VPS13D: variants seen among roughly 807,000 people sequenced by gnomAD.
The protein encoded by VPS13D is intermembrane lipid transfer protein VPS13D.
VPS13D carries 187 observed loss-of-function variants against 461.9 expected under a neutral mutation model. The ratio of observed to expected loss-of-function variants is 0.40; its 90% CI spans 0.36 to 0.46. VPS13D has a LOEUF of 0.46. Ranked by LOEUF, VPS13D falls within the 20% of genes least tolerant of loss-of-function variation. VPS13D has a pLI of 0.60. For synonymous variants in VPS13D, 1,951 were observed against 1,986.3 expected, an observed-to-expected ratio of 0.98 and a Z score of 0.47; for missense variants, 4,711 against 5,364.9, an observed-to-expected ratio of 0.88 and a Z score of 3.81.
At chr1:12,361,390 TA>T (rs1643944754) in intron 50 of VPS13D, among the ~76,000 whole-genome samples, 1 of 142,610 alleles carries the variant, frequency 7.0e-6, no homozygotes, top group Non-Finnish European at 1.5e-5. Context: ...TTTATTTATT[TA>T]TTTATTTATT....
At chr1:12,374,938 A>C (rs1221828072) in intron 55 of VPS13D, among the ~76,000 whole-genome samples, 13 of 152,174 alleles carry the variant, frequency 8.5e-5, no homozygotes, top group Admixed American at 7.9e-4. Context: ...GGGTTTCGCC[A>C]TGTTGGCCAG....
At chr1:12,361,153 G>A (rs1417737888) in intron 50 of VPS13D, among the ~76,000 whole-genome samples, 1 of 152,020 alleles carries the variant, frequency 6.6e-6, no homozygotes, top group African/African-American at 2.4e-5. Context: ...GTTGTTATGG[G>A]GATTCAGTGT....
At chr1:12,443,744 ATTC>A (rs1368223851) in intron 65 of VPS13D, among the ~76,000 whole-genome samples, 1 of 150,764 alleles carries the variant, frequency 6.6e-6, no homozygotes, top group Non-Finnish European at 1.5e-5. Flanking sequence ...TGCGTCTTTT[ATTC>A]TTTTCTTTGC....
chr1:12,271,243 T>A, intron 17 of VPS13D, 119 bp downstream of exon 17: 1 of 1,281,032 alleles, frequency 7.8e-7, no homozygotes, highest in Non-Finnish European at 1.1e-6. Flanking sequence ...CTGAGTAAAC[T>A]GAAAATATTA....
chr1:12,427,393 C>T (rs999673649), intron 65 of VPS13D, among the ~76,000 whole-genome samples: 90 of 151,806 alleles, frequency 5.9e-4, no homozygotes, highest in African/African-American at 2.1e-3. Flanking sequence ...TCCTAGCTCC[C>T]CTGACTCCTG....
At chr1:12,405,082 C>T (rs1017419980) in intron 63 of VPS13D, among the ~76,000 whole-genome samples, 17 of 152,198 alleles carry the variant, frequency 1.1e-4, no homozygotes, top group Non-Finnish European at 1.9e-4. Flanking sequence ...ACGTAGATGC[C>T]CGCAGGAGCT....
intron 25 of VPS13D, among the ~76,000 whole-genome samples, chr1:12,300,730 A>G (rs1642402633): frequency 6.6e-6 from 1 of 152,222 alleles, no homozygotes; most frequent in South Asian, 2.1e-4. Context: ...GGAAACACCT[A>G]GTAATTCACA....
At chr1:12,355,800 GTTATTGGTTT>G in intron 47 of VPS13D, 89 bp from the exon 48 acceptor site, 1 of 1,247,148 alleles carries the variant, frequency 8.0e-7, no homozygotes, top group Non-Finnish European at 1.1e-6. Flanking sequence ...TAGATACTTA[GTTATTGGTTT>G]TTCCAAAAGG....
At chr1:12,479,213 T>A (rs577093727) in intron 67 of VPS13D, among the ~76,000 whole-genome samples, 1 of 152,270 alleles carries the variant, frequency 6.6e-6, no homozygotes, top group Non-Finnish European at 1.5e-5. Flanking sequence ...TTAGCATAAG[T>A]ATAGTCAGAA....
At chr1:12,322,465 C>T (rs1427119832) in intron 33 of VPS13D, 71 bp from the exon 34 acceptor site, 26 of 1,446,820 alleles carry the variant, frequency 1.8e-5, no homozygotes, top group Non-Finnish European at 2.5e-5. Flanking sequence ...ATAGGAATTA[C>T]ATCTGTAAGA....
chr1:12,379,640 CCTT>C, intron 57 of VPS13D, 44 bp downstream of exon 57: 1 of 1,480,722 alleles, frequency 6.8e-7, no homozygotes, highest in Non-Finnish European at 9.4e-7. Context: ...AGTGGTTGAG[CCTT>C]CTTTGAAACA....
Position 12,492,645 on chromosome 1 carries a change from CT to C in VPS13D, c.12663-4854del, listed in dbSNP as rs561648226. 5.3e-5 allele frequency among the ~76,000 whole-genome samples: 8 copies of C among 152,296 alleles called. 1 individual carries two copies. In the South Asian group the frequency reaches 1.5e-3, roughly 28 times the overall value. Reference sequence around the variant, plus strand: ...TATCTTGTGAGCCAGCAAATTCCCCCTAGATAGATTCTCAAAGTTCACCAGG... The same window carrying C: ...TATCTTGTGAGCCAGCAAATTCCCCCAGATAGATTCTCAAAGTTCACCAGG... On this transcript the variant is annotated intron_variant, in intron 67 of 69. Coordinates refer to ENST00000620676, the MANE Select transcript of VPS13D (RefSeq NM_015378.4).
chr1:12,497,508 C>T lies in VPS13D; in HGVS notation c.12671C>T (p.Ala4224Val). 3.7e-6 allele frequency: 6 copies of T among 1,613,874 alleles called. No individual in the cohort carries two copies. The highest frequency in any genetic ancestry group is 5.1e-6 in the Non-Finnish European group (6 of 1,179,872). ...TATLSGPRTQ[A>V]QRVRKPRCCT... is the part of the protein sequence containing the mutation. ...TCCATTTACCCATCTAGGACTCAAG[C>T]ACAGAGGGTTCGGAAACCGCGTTGC... Residue 4224 changes from alanine (A) to valine (V), a missense_variant, in exon 68 of 70, where the codon GCA becomes GTA. Physicochemically the swap from Ala to Val is moderately conservative, Grantham distance 64. Coordinates refer to ENST00000620676, the MANE Select transcript of VPS13D (RefSeq NM_015378.4).
chr1:12,450,547 C>G (rs1480083884), intron 65 of VPS13D, among the ~76,000 whole-genome samples: 1 of 152,102 alleles, frequency 6.6e-6, no homozygotes, highest in Non-Finnish European at 1.5e-5. Context: ...TTTGATCTTC[C>G]TGGGCTGGTG....
In VPS13D at chr1:12,502,939, A is replaced by G. The variant is rs994147475; in HGVS notation, c.12795-3914A>G. ...CACAGTGGCCCTGCAGAGTAGACCC[A>G]TGGGGTTCTACACATCAGGATGGGG... On this transcript the variant is annotated intron_variant, in intron 68 of 69. Coordinates refer to ENST00000620676, the MANE Select transcript of VPS13D (RefSeq NM_015378.4). The surrounding 1 kb of genome is among the most constrained non-coding windows in gnomAD (Gnocchi z 4.3). 6.6e-6 allele frequency among the ~76,000 whole-genome samples: 1 copy of G among 152,268 alleles called. No homozygotes were observed. The highest frequency in any genetic ancestry group is 2.4e-5 in the African/African-American group (1 of 41,554).
In VPS13D at chr1:12,385,530, T is replaced by G. The variant is rs1485630812; in HGVS notation, c.11484+157T>G. 3.3e-5 allele frequency among the ~76,000 whole-genome samples: 5 copies of G among 152,254 alleles called. No homozygotes were observed. The South Asian group carries it at 1.0e-3, about 32-fold the overall frequency. On this transcript the variant is annotated intron_variant, in intron 59 of 69. Coordinates refer to ENST00000620676, the MANE Select transcript of VPS13D (RefSeq NM_015378.4). ...TACTGTTTATCAGTGAATGTGTGAA[T>G]GTATTATGTAAATGACAACAAAGTT... is the stretch of plus-strand genomic sequence containing the variant.
intron 22 of VPS13D, among the ~76,000 whole-genome samples, chr1:12,288,900 G>C (rs926417728): frequency 6.6e-6 from 1 of 152,116 alleles, no homozygotes; most frequent in African/African-American, 2.4e-5. Flanking sequence ...AGAGTGCAGT[G>C]GTGCAGTCTT....
intron 67 of VPS13D, among the ~76,000 whole-genome samples, chr1:12,466,782 A>G (rs184357786): frequency 1.2e-3 from 177 of 152,354 alleles, no homozygotes; most frequent in Admixed American, 3.3e-3. Flanking sequence ...GCTGCTTGGG[A>G]CAGCCATTGT....
chr1:12,419,694 A>C (rs970991280), intron 65 of VPS13D, among the ~76,000 whole-genome samples: 2 of 152,198 alleles, frequency 1.3e-5, no homozygotes, highest in African/African-American at 4.8e-5. Context: ...CCACCCTTGT[A>C]ATCCACATAC....
Sources: gnomAD v4.1 joint callset for allele counts (sites outside exome capture counted in the v4.1 genomes callset) on GRCh38, gnomAD v4.1.1 for gene constraint, Gnocchi (gnomAD v3.1) non-coding constraint, MANE v1.5 for transcripts, NCBI Gene and HGNC (gene_info 2026-07-23, HGNC 2026-07-21) for gene names.